The following SP100 variants were observed in gnomAD, a reference collection of about 807,000 sequenced individuals.
SP100 encodes the protein SP100 nuclear body protein, also known as nuclear autoantigen Sp-100.
Under a neutral mutation model 130.0 loss-of-function variants are expected in SP100, and 84 were observed. The observed-to-expected ratio is 0.65, with a 90% confidence interval of 0.54 to 0.77. SP100 has a LOEUF of 0.77. Ranked by LOEUF, SP100 falls within the 30% of genes least tolerant of loss-of-function variation. The pLI is 0.00. For missense variants in SP100, 978 were observed against 1,052.2 expected (o/e 0.93, Z 0.97); for synonymous variants, 331 against 351.7 (o/e 0.94, Z 0.66).
intron 8 of SP100, 96 bp downstream of exon 8, chr2:230,450,351 A>C: frequency 1.2e-6 from 1 of 805,752 alleles, no homozygotes; most frequent in Non-Finnish European, 2.1e-6. Flanking sequence ...TACCATCGTA[A>C]CCACTTTTTA....
chr2:230,416,290 T>TG lies in SP100; in HGVS notation c.-4dup, dbSNP rs1338262799. The TG allele has an allele frequency of 6.2e-7, 1 of 1,612,846 alleles. No homozygotes were observed. Among genetic ancestry groups the TG allele is most frequent in the East Asian group, 2.2e-5 (1 of 44,844 alleles). ...TCTGAGGCCCACGCAGGGCCTAGGG[T>TG]GGGAAGATGGCAGGTGGGGGCGGCG... On this transcript the variant is annotated 5_prime_UTR_variant, in exon 1 of 29. Coordinates refer to ENST00000340126, the MANE Select transcript of SP100 (RefSeq NM_001080391.2).
chr2:230,425,977 A>G (rs1006432144), intron 2 of SP100, among the ~76,000 whole-genome samples: 1 of 152,036 alleles, frequency 6.6e-6, no homozygotes, highest in Non-Finnish European at 1.5e-5. Context: ...TTCAGTTTTG[A>G]TAGATTGTGT....
intron 8 of SP100, among the ~76,000 whole-genome samples, chr2:230,455,063 CTTTTG>C (rs1372068816): frequency 6.6e-6 from 1 of 151,620 alleles, no homozygotes; most frequent in Admixed American, 6.6e-5. Context: ...CTTTTTGTTT[CTTTTG>C]TTTTTTGTTT....
chr2:230,497,408 G>A (rs2066728105), intron 18 of SP100, among the ~76,000 whole-genome samples: 1 of 147,958 alleles, frequency 6.8e-6, no homozygotes. Context: ...GGGAGATGGT[G>A]TGAGGAGGGA....
chr2:230,511,187 A>G (rs768581001), intron 24 of SP100, 21 bp downstream of exon 24: 9 of 1,572,140 alleles, frequency 5.7e-6, no homozygotes, highest in African/African-American at 1.3e-5. Context: ...ATTTCCGACT[A>G]TGACCCCAAA....
At chr2:230,428,301 T>C (rs558285648) in intron 2 of SP100, among the ~76,000 whole-genome samples, 67 of 152,294 alleles carry the variant, frequency 4.4e-4, no homozygotes, top group African/African-American at 1.6e-3. Context: ...AGAGGTTTAA[T>C]TGACTCAGTT....
intron 2 of SP100, among the ~76,000 whole-genome samples, chr2:230,433,600 C>A (rs1157931195): frequency 1.3e-5 from 2 of 152,084 alleles, no homozygotes; most frequent in African/African-American, 2.4e-5. Context: ...CCATGTTAAA[C>A]ATATTGAGTC....
chr2:230,431,934 C>T (rs577252359), intron 2 of SP100, among the ~76,000 whole-genome samples: 34 of 152,202 alleles, frequency 2.2e-4, no homozygotes, highest in Admixed American at 7.2e-4. Context: ...AAGTGTGTAT[C>T]TCAATGATTT....
chr2:230,443,691 G>A (rs1170863313), intron 3 of SP100, among the ~76,000 whole-genome samples: 1 of 152,104 alleles, frequency 6.6e-6, no homozygotes, highest in Non-Finnish European at 1.5e-5. Flanking sequence ...CATAGGCCCT[G>A]TTGGAGATAC....
chr2:230,542,528 A>G (rs1358216257), intron 28 of SP100, among the ~76,000 whole-genome samples: 3 of 152,220 alleles, frequency 2.0e-5, no homozygotes, highest in Non-Finnish European at 2.9e-5. Context: ...AATGGCCTTA[A>G]ACATTTCTGT....
intron 22 of SP100, chr2:230,507,243 C>T (rs537751188): frequency 1.3e-5 from 2 of 152,192 alleles, no homozygotes; most frequent in Non-Finnish European, 2.9e-5. Flanking sequence ...TAGGGGACCA[C>T]CAGATTGCCT....
chr2:230,443,929 T>G (rs1392898445), intron 3 of SP100, among the ~76,000 whole-genome samples: 1 of 152,234 alleles, frequency 6.6e-6, no homozygotes, highest in Non-Finnish European at 1.5e-5. Context: ...CTTTTATCCT[T>G]CCAAATTTCC....
At chr2:230,439,847 C>T (rs567562423) in intron 2 of SP100, among the ~76,000 whole-genome samples, 31 of 152,208 alleles carry the variant, frequency 2.0e-4, no homozygotes, top group Middle Eastern at 6.8e-3. Flanking sequence ...CGGGCTAGGA[C>T]TTCCTGTTTT....
chr2:230,512,531 A>G (rs553606037), intron 24 of SP100, among the ~76,000 whole-genome samples: 117 of 149,104 alleles, frequency 7.8e-4, no homozygotes, highest in African/African-American at 2.8e-3. Context: ...CTCGTGATCC[A>G]CCTGCCTCAG....
chr2:230,488,631 T>C (rs897648673), intron 17 of SP100, among the ~76,000 whole-genome samples: 7 of 152,216 alleles, frequency 4.6e-5, no homozygotes, highest in African/African-American at 1.7e-4. Context: ...GCCAGGACAG[T>C]CTCAATCTCC....
chr2:230,484,394 T>C (rs2065969350), intron 17 of SP100, among the ~76,000 whole-genome samples: 1 of 152,238 alleles, frequency 6.6e-6, no homozygotes. Flanking sequence ...GAAGATTGTG[T>C]GCCAATTAGC....
At chr2:230,448,657 C>T (rs570663236) in intron 5 of SP100, among the ~76,000 whole-genome samples, 1 of 152,268 alleles carries the variant, frequency 6.6e-6, no homozygotes, top group South Asian at 2.1e-4. Context: ...ACACTGAGTC[C>T]TCATGGAAAA....
At chr2:230,440,829 C>A (rs1178115825) in intron 2 of SP100, among the ~76,000 whole-genome samples, 1 of 151,952 alleles carries the variant, frequency 6.6e-6, no homozygotes, top group East Asian at 1.9e-4. Context: ...ACAAATAGAT[C>A]AATGGTATAG....
In SP100 at chr2:230,515,892, G is replaced by C. The variant is rs539650313; in HGVS notation, c.2094+4726G>C. The stretch of plus-strand genomic sequence containing the variant: ...TAAATTGGCATGGAAATTTAAAGCA[G>C]GTTCTTGTTAGTGCACAGCACAAAT... On this transcript the variant is annotated intron_variant, in intron 24 of 28. Coordinates refer to ENST00000340126, the MANE Select transcript of SP100 (RefSeq NM_001080391.2). The C allele has an allele frequency of 7.7e-4, 936 of 1,219,564 alleles. 2 individuals carry two copies. The highest frequency in any genetic ancestry group is 3.7e-3 in the Middle Eastern group (11 of 3,008). The allele number at this position is 1,219,564 out of a possible 1,614,324, so 75.5% of individuals were successfully genotyped here.
Sources: allele counts gnomAD v4.1 joint callset (sites outside exome capture counted in the v4.1 genomes callset), GRCh38; gene constraint gnomAD v4.1.1; transcripts MANE v1.5; gene names NCBI Gene and HGNC (gene_info 2026-07-23, HGNC 2026-07-21).